The following SFI1 variants were observed in gnomAD, a reference collection of about 807,000 sequenced individuals.
The protein encoded by SFI1 is SFI1 centrin binding protein.
A neutral mutation model predicts 207.5 loss-of-function variants in SFI1; 195 were observed. The ratio of observed to expected loss-of-function variants is 0.94; its 90% CI spans 0.84 to 1.06. The LOEUF is 1.06. Among genes scored for constraint, SFI1 ranks in the 50% least tolerant of loss-of-function variants. The pLI is 0.00. For synonymous variants in SFI1, 630 were observed against 598.9 expected (o/e 1.05, Z -0.76); for missense variants, 1,634 against 1,588.0 (o/e 1.03, Z -0.49).
intron 8 of SFI1, among the ~76,000 whole-genome samples, chr22:31,565,357 G>A (rs2062181694): frequency 6.6e-6 from 1 of 151,944 alleles, no homozygotes; most frequent in African/African-American, 2.4e-5. Context: ...ATCACTTGAG[G>A]TCAAGTGTTT....
chr22:31,560,369 A>C (rs912864455), intron 7 of SFI1, among the ~76,000 whole-genome samples: 1 of 151,516 alleles, frequency 6.6e-6, no homozygotes, highest in Non-Finnish European at 1.5e-5. Flanking sequence ...TATTTTGTGA[A>C]ATCTCCTGAT....
At chr22:31,614,126 C>T (rs1292794773) in intron 27 of SFI1, 1 of 470,246 alleles carries the variant, frequency 2.1e-6, no homozygotes, top group African/African-American at 1.9e-5. Flanking sequence ...TTCCTACCCT[C>T]TCTCCCGTCC....
At chr22:31,579,482 A>AT (rs2063856930) in intron 11 of SFI1, among the ~76,000 whole-genome samples, 1 of 151,822 alleles carries the variant, frequency 6.6e-6, no homozygotes, top group African/African-American at 2.4e-5. Context: ...CACCCAGCTA[A>AT]TTTTTTGTAT....
intron 11 of SFI1, among the ~76,000 whole-genome samples, chr22:31,579,804 A>G (rs1250676956): frequency 6.6e-6 from 1 of 152,052 alleles, no homozygotes; most frequent in Admixed American, 6.5e-5. Flanking sequence ...CCCAACTCCA[A>G]CCCTTCCTTT....
At chr22:31,593,902 G>T (rs1238421330) in intron 15 of SFI1, among the ~76,000 whole-genome samples, 1 of 146,130 alleles carries the variant, frequency 6.8e-6, no homozygotes, top group Non-Finnish European at 1.5e-5. Flanking sequence ...GGAGAATCAG[G>T]CAGGGAGGTT....
At position 31,538,001 on chromosome 22, in the gene SFI1, C is replaced by T. The variant is rs531549117; in HGVS notation, c.338+6872C>T. On this transcript the variant is annotated intron_variant, in intron 4 of 32. Transcript: ENST00000400288. The stretch of plus-strand genomic sequence containing the variant: ...TTTGTTTGTTTTTGAGACCGAGTTT[C>T]ACTCTTGTTGCCCAGGCTGGAGTGC... Among the ~76,000 whole-genome samples, 6 of 152,272 alleles carry T rather than the reference C, an allele frequency of 3.9e-5. No homozygotes were observed. In the South Asian group the frequency reaches 1.2e-3, roughly 32 times the overall value.
intron 4 of SFI1, among the ~76,000 whole-genome samples, chr22:31,535,787 C>T (rs2058940396): frequency 6.6e-6 from 1 of 151,894 alleles, no homozygotes; most frequent in East Asian, 1.9e-4. Flanking sequence ...GCTGTATTGC[C>T]CTGCAGTGGT....
Position 31,614,860 on chromosome 22 carries a change from G to C in SFI1, c.3068G>C (p.Arg1023Thr). Reference protein sequence around the residue: ...HFLLEPAQSQRPQKPQEHGLG... With the variant: ...HFLLEPAQSQTPQKPQEHGLG... ...CTGTTGGAGCCTGCGCAGAGCCAGA[G>C]GTCCCTGGGGTGCAGCACCGTGGGC... is the stretch of plus-strand genomic sequence containing the variant. The change falls in exon 28 of 33, where the codon AGG becomes ACG. Residue 1023 changes from arginine to threonine, a missense_variant and splice_region_variant. Coordinates refer to ENST00000400288, the MANE Select transcript of SFI1 (RefSeq NM_001007467.3). The C allele has an allele frequency of 6.2e-7, 1 of 1,613,590 alleles. No homozygotes were observed. Among genetic ancestry groups the C allele is most frequent in the Non-Finnish European group, 8.5e-7 (1 of 1,179,924 alleles).
chr22:31,592,427 C>T (rs2066134813), intron 15 of SFI1, among the ~76,000 whole-genome samples: 1 of 63,144 alleles, frequency 1.6e-5, no homozygotes, highest in Non-Finnish European at 3.0e-5. Flanking sequence ...CACCTCCCTC[C>T]CGGACGGGGC....
In SFI1 at chr22:31,583,886, G is replaced by A. The variant is rs765137504; in HGVS notation, c.1260G>A (p.Arg420=). 1.2e-6 allele frequency: 2 copies of A among 1,614,024 alleles called. No homozygotes were observed. The highest frequency in any genetic ancestry group is 8.5e-7 in the Non-Finnish European group (1 of 1,179,954). ...CTCCCTTGCTTTAGCTGCTGCACAGGTTCTGGAACCTCTGGCGGTCTCAGA... is the reference window on the plus strand; with the variant it reads ...CTCCCTTGCTTTAGCTGCTGCACAGATTCTGGAACCTCTGGCGGTCTCAGA... ...HQQHGVTLLH[R]FWNLWRSQIE... is the part of the protein sequence containing the mutation. The change falls in exon 13 of 33, where the codon AGG becomes AGA. Residue 420 remains arginine (R), a synonymous_variant. Transcript: ENST00000400288.
At chr22:31,618,084 C>A in intron 31 of SFI1, 31 bp from the exon 32 acceptor site, 1 of 1,548,468 alleles carries the variant, frequency 6.5e-7, no homozygotes, top group South Asian at 1.2e-5. Flanking sequence ...AGGACCCAGC[C>A]TGGCAGGCAG....
chr22:31,573,333 AAGG>A (rs2063141336), intron 9 of SFI1, 119 bp downstream of exon 9: 2 of 901,844 alleles, frequency 2.2e-6, no homozygotes, highest in Non-Finnish European at 3.2e-6. Context: ...ATTTTGGTAA[AAGG>A]AGATTAAGGA....
At chr22:31,614,474 C>G (rs752203608) in intron 27 of SFI1, 1 of 543,532 alleles carries the variant, frequency 1.8e-6, no homozygotes, top group Non-Finnish European at 3.5e-6. Context: ...TTTGACTGAC[C>G]TTGATGGGAT....
At chr22:31,531,229 C>A in intron 4 of SFI1, 100 bp downstream of exon 4, 2 of 912,930 alleles carry the variant, frequency 2.2e-6, no homozygotes, top group South Asian at 3.2e-5. Context: ...TGTGCTGTTA[C>A]ATTCCTCCCC....
At position 31,602,220 on chromosome 22, in the gene SFI1, T is replaced by C; in HGVS notation, c.1553T>C (p.Leu518Ser). ...ARATRFHRET[L>S]EKQVFSLWRQ... is the part of the protein sequence containing the mutation. The stretch of plus-strand genomic sequence containing the variant: ...TCTTCCTTGTTTTTTAGGGAGACAT[T>C]AGAGAAGCAAGTATTTTCTCTCTGG... Residue 518 changes from leucine to serine, a missense_variant, in exon 16 of 33, where the codon TTA (leucine) becomes TCA (serine). Coordinates refer to ENST00000400288, the MANE Select transcript of SFI1 (RefSeq NM_001007467.3). The C allele has an allele frequency of 6.2e-7, 1 of 1,613,700 alleles. No homozygotes were observed. Among genetic ancestry groups the C allele is most frequent in the Non-Finnish European group, 8.5e-7 (1 of 1,179,560 alleles).
chr22:31,505,814 G>C (rs984946230), intron 1 of SFI1, among the ~76,000 whole-genome samples: 4 of 152,142 alleles, frequency 2.6e-5, no homozygotes, highest in Non-Finnish European at 4.4e-5. Flanking sequence ...AGCATGGGAG[G>C]TTGAGGCTGC....
intron 21 of SFI1, among the ~76,000 whole-genome samples, chr22:31,607,325 G>C (rs553613230): frequency 1.4e-4 from 22 of 152,074 alleles, no homozygotes; most frequent in Non-Finnish European, 2.8e-4. Context: ...AATAGAGGCC[G>C]GGCGCAGTGG....
intron 4 of SFI1, among the ~76,000 whole-genome samples, chr22:31,545,227 G>T (rs2059955126): frequency 6.6e-6 from 1 of 152,130 alleles, no homozygotes; most frequent in African/African-American, 2.4e-5. Flanking sequence ...TTAGCTGGGC[G>T]TGATGGCACA....
intron 4 of SFI1, among the ~76,000 whole-genome samples, chr22:31,533,722 G>C (rs963835913): frequency 6.6e-6 from 1 of 152,056 alleles, no homozygotes; most frequent in African/African-American, 2.4e-5. Flanking sequence ...CTGAATCTTG[G>C]GCATGTCATC....
Sources: allele counts gnomAD v4.1 joint callset (sites outside exome capture counted in the v4.1 genomes callset), GRCh38; gene constraint gnomAD v4.1.1; transcripts MANE v1.5; gene names NCBI Gene and HGNC (gene_info 2026-07-23, HGNC 2026-07-21).